SYT10: variants seen among roughly 807,000 people sequenced by gnomAD.
The protein encoded by SYT10 is synaptotagmin-10.
In SYT10, 31 loss-of-function variants were observed where a neutral mutation model predicts 51.1. The ratio of observed to expected loss-of-function variants is 0.61; its 90% CI spans 0.46 to 0.82. The LOEUF is 0.82. Ranked by LOEUF, SYT10 falls within the 40% of genes least tolerant of loss-of-function variation. The probability of loss-of-function intolerance (pLI) is 0.00; values close to 1 mark genes in which losing one functional copy is unlikely to be tolerated. For synonymous variants in SYT10, 233 were observed against 225.9 expected (o/e 1.03, Z -0.28); for missense variants, 603 against 634.0 (o/e 0.95, Z 0.53).
At chr12:33,398,485 C>T (rs1269530394) in intron 3 of SYT10, among the ~76,000 whole-genome samples, 1 of 152,078 alleles carries the variant, frequency 6.6e-6, no homozygotes, top group African/African-American at 2.4e-5. Context: ...TGCACTCCAG[C>T]TTGGGTGACA....
intron 2 of SYT10, among the ~76,000 whole-genome samples, chr12:33,409,084 C>CGTATA (rs1866383566): frequency 6.6e-6 from 1 of 151,920 alleles, no homozygotes; most frequent in Non-Finnish European, 1.5e-5. Flanking sequence ...GTCAGTGCAC[C>CGTATA]CTCAGAACAC....
intron 1 of SYT10, among the ~76,000 whole-genome samples, chr12:33,437,565 C>T (rs1341989569): frequency 6.6e-6 from 1 of 152,160 alleles, no homozygotes; most frequent in African/African-American, 2.4e-5. Flanking sequence ...ACCCGGGAAA[C>T]CACTATTTGG....
Position 33,402,787 on chromosome 12 carries a change from C to T in SYT10, c.1077+4002G>A, listed in dbSNP as rs75786418. Among the ~76,000 whole-genome samples, 1,512 of 152,058 alleles carry T rather than the reference C, an allele frequency of 9.9e-3. 89 individuals are homozygous for T. The East Asian group carries it at 0.14, about 14-fold the overall frequency. On this transcript the variant is annotated intron_variant, in intron 3 of 6. Coordinates refer to ENST00000228567, the MANE Select transcript of SYT10 (RefSeq NM_198992.4). Reference sequence around the variant, plus strand: ...TGTGGAAGAAAATATGACAGAGACCCTGTAATGAAAATTTGTAGGAATGAG... The same window carrying T: ...TGTGGAAGAAAATATGACAGAGACCTTGTAATGAAAATTTGTAGGAATGAG...
chr12:33,429,518 T>G lies in SYT10; in HGVS notation c.152-3023A>C, dbSNP rs143780705. Reference sequence around the variant, plus strand: ...TAGTCTGCCTGGTTTTAAAATCTTCTAAATATTCAGCAGCTTTGGTGTAGG... The same window carrying G: ...TAGTCTGCCTGGTTTTAAAATCTTCGAAATATTCAGCAGCTTTGGTGTAGG... On this transcript the variant is annotated intron_variant, in intron 1 of 6. Coordinates refer to ENST00000228567, the MANE Select transcript of SYT10 (RefSeq NM_198992.4). Among the ~76,000 whole-genome samples, 20 of 152,356 alleles carry G rather than the reference T, an allele frequency of 1.3e-4. No homozygotes were observed. In the East Asian group the frequency reaches 2.3e-3, roughly 18 times the overall value.
chr12:33,411,344 G>A (rs1811737782), intron 2 of SYT10, among the ~76,000 whole-genome samples: 1 of 152,062 alleles, frequency 6.6e-6, no homozygotes, highest in South Asian at 2.1e-4. Flanking sequence ...AGCTTGATAT[G>A]TTTTTAGAGG....
intron 2 of SYT10, among the ~76,000 whole-genome samples, chr12:33,417,771 A>G (rs765049763): frequency 6.6e-6 from 1 of 152,248 alleles, no homozygotes; most frequent in African/African-American, 2.4e-5. Flanking sequence ...CCCTGCAAAT[A>G]CAAAAATAAA....
intron 3 of SYT10, among the ~76,000 whole-genome samples, chr12:33,393,991 T>C (rs10743818): frequency 0.47 from 71,821 of 152,080 alleles, 18,164 homozygotes; most frequent in East Asian, 0.89. Flanking sequence ...AACAGGAGAA[T>C]TAAATAAAAG....
intron 3 of SYT10, among the ~76,000 whole-genome samples, chr12:33,404,706 T>C (rs780252415): frequency 3.3e-5 from 5 of 152,206 alleles, no homozygotes; most frequent in Non-Finnish European, 7.3e-5. Flanking sequence ...GTTAGGTTTC[T>C]AACCAAACTG....
intron 1 of SYT10, among the ~76,000 whole-genome samples, chr12:33,438,031 C>T (rs753976805): frequency 2.6e-5 from 4 of 152,090 alleles, no homozygotes; most frequent in Non-Finnish European, 4.4e-5. Context: ...CTCACGTTGC[C>T]GTGGATCAGA....
intron 2 of SYT10, among the ~76,000 whole-genome samples, chr12:33,412,057 G>C (rs1302042079): frequency 1.3e-5 from 2 of 151,898 alleles, no homozygotes; most frequent in Non-Finnish European, 2.9e-5. Context: ...ACAAGCTTTT[G>C]ATTTTTGGGA....
chr12:33,382,693 G>T (rs1476084374), intron 4 of SYT10, among the ~76,000 whole-genome samples, 173 bp from the exon 5 acceptor site: 5 of 152,096 alleles, frequency 3.3e-5, no homozygotes, highest in Non-Finnish European at 7.4e-5. Flanking sequence ...AGTAAGGTTA[G>T]TTTCTTTCAA....
intron 1 of SYT10, among the ~76,000 whole-genome samples, chr12:33,426,729 C>G (rs16921021): frequency 1.3e-5 from 2 of 151,968 alleles, no homozygotes; most frequent in Non-Finnish European, 2.9e-5. Context: ...AGGAAAATTA[C>G]GATGTATGCA....
At chr12:33,425,021 TTAAG>T (rs1177813598) in intron 2 of SYT10, among the ~76,000 whole-genome samples, 2 of 152,148 alleles carry the variant, frequency 1.3e-5, no homozygotes, top group Admixed American at 6.5e-5. Context: ...TGGAATACAT[TTAAG>T]TAAGAAGTGG....
chr12:33,421,595 GATCA>G (rs1460089694), intron 2 of SYT10, among the ~76,000 whole-genome samples: 2 of 152,056 alleles, frequency 1.3e-5, no homozygotes, highest in Admixed American at 1.3e-4. Context: ...AGTGGAGGAT[GATCA>G]ATCAATCAAA....
At chr12:33,402,937 A>G (rs2389196) in intron 3 of SYT10, among the ~76,000 whole-genome samples, 93,047 of 151,788 alleles carry the variant, frequency 0.61, 29,702 homozygotes, top group East Asian at 0.89. Flanking sequence ...GAGAGCCATG[A>G]CATTTACAAC....
intron 3 of SYT10, among the ~76,000 whole-genome samples, chr12:33,394,656 G>A (rs958492610): frequency 6.6e-6 from 1 of 152,146 alleles, no homozygotes; most frequent in African/African-American, 2.4e-5. Context: ...TGTGGATGAA[G>A]AAATAATTTC....
At chr12:33,414,404 CT>C (rs1285054710) in intron 2 of SYT10, among the ~76,000 whole-genome samples, 3 of 152,232 alleles carry the variant, frequency 2.0e-5, no homozygotes, top group African/African-American at 7.2e-5. Flanking sequence ...CCACATTGCA[CT>C]TATTCCAGAA....
At chr12:33,402,674 A>C (rs1866316567) in intron 3 of SYT10, among the ~76,000 whole-genome samples, 1 of 152,192 alleles carries the variant, frequency 6.6e-6, no homozygotes, top group African/African-American at 2.4e-5. Flanking sequence ...AAGTTATTTG[A>C]ATCAAATGCA....
intron 3 of SYT10, among the ~76,000 whole-genome samples, chr12:33,393,351 T>C (rs1866226741): frequency 6.6e-6 from 1 of 152,202 alleles, no homozygotes; most frequent in African/African-American, 2.4e-5. Flanking sequence ...CAGAGACTTA[T>C]TCTCAAACTT....
Sources: gnomAD v4.1 joint callset for allele counts (sites outside exome capture counted in the v4.1 genomes callset) on GRCh38, gnomAD v4.1.1 for gene constraint, MANE v1.5 for transcripts, NCBI Gene and HGNC (gene_info 2026-07-23, HGNC 2026-07-21) for gene names.